C4orf36: variants seen among roughly 807,000 people sequenced by gnomAD.
The protein encoded by C4orf36 is uncharacterized protein C4orf36.
Under a neutral mutation model 12.2 loss-of-function variants are expected in C4orf36, and 11 were observed. The ratio of observed to expected loss-of-function variants is 0.90; its 90% CI spans 0.57 to 1.49. The LOEUF is 1.49. C4orf36 is among the 40% of genes most tolerant of loss of function. The pLI is 0.00. For synonymous variants in C4orf36, 54 were observed against 51.3 expected (o/e 1.05, Z -0.22); for missense variants, 137 against 133.9 (o/e 1.02, Z -0.11).
the C4orf36 span, among the ~76,000 whole-genome samples, chr4:86,919,276 C>T: frequency 6.7e-6 from 1 of 148,988 alleles, no homozygotes; most frequent in Non-Finnish European, 1.5e-5. Flanking sequence ...CATGACCAGG[C>T]TGAAAATTTT....
Position 86,886,833 on chromosome 4 carries a change from A to C in C4orf36, c.*2+925T>G, listed in dbSNP as rs558841821. On this transcript the variant is annotated intron_variant, in intron 4 of 4. Transcript: ENST00000295898. ...GCACACGTATGTTTATTGTGGCACT[A>C]CTCACAATAGCAAAGACTTGGAACC... The C allele has an allele frequency of 3.9e-5, 6 of 152,278 alleles. No homozygotes were observed. In the South Asian group the frequency reaches 1.2e-3, roughly 32 times the overall value. The allele number at this position is 152,278 out of a possible 1,614,324, so 9.4% of individuals were successfully genotyped here.
chr4:86,928,775 A>G, the C4orf36 span, among the ~76,000 whole-genome samples: 1 of 152,124 alleles, frequency 6.6e-6, no homozygotes, highest in Non-Finnish European at 1.5e-5. Flanking sequence ...GGTCACTATG[A>G]ACTCTATGAC....
At chr4:86,877,975 C>T (rs1168875996) in intron 4 of C4orf36, among the ~76,000 whole-genome samples, 11 of 151,958 alleles carry the variant, frequency 7.2e-5, no homozygotes, top group Admixed American at 6.6e-4. Flanking sequence ...TAAAATTGGC[C>T]GTGAGTTGAT....
At chr4:86,902,614 C>T in the C4orf36 span, among the ~76,000 whole-genome samples, 1 of 152,076 alleles carries the variant, frequency 6.6e-6, no homozygotes, top group Non-Finnish European at 1.5e-5. Context: ...TACACCACCA[C>T]CTGCCTTTAC....
intron 4 of C4orf36, among the ~76,000 whole-genome samples, chr4:86,884,277 T>C (rs1036952946): frequency 4.7e-5 from 7 of 149,708 alleles, no homozygotes; most frequent in African/African-American, 1.7e-4. Context: ...AATAAGAAAT[T>C]AGGCAGAAGG....
Position 86,876,283 on chromosome 4 carries a change from C to G in C4orf36, c.*163G>C. 1 of 939,184 alleles carries G rather than the reference C, an allele frequency of 1.1e-6. No homozygotes were observed. The highest frequency in any genetic ancestry group is 1.5e-6 in the Non-Finnish European group (1 of 660,954). The allele number at this position is 939,184 out of a possible 1,614,324, so 58.2% of individuals were successfully genotyped here. On this transcript the variant is annotated 3_prime_UTR_variant, in exon 5 of 5. Transcript: ENST00000295898. ...TTCCACTGAAATTAAGAGATTTTCT[C>G]GGTCTCTGGGCGGGCCGTGGGAGGC...
the C4orf36 span, among the ~76,000 whole-genome samples, chr4:86,919,478 A>G: frequency 2.0e-5 from 3 of 151,698 alleles, no homozygotes; most frequent in South Asian, 6.3e-4. Flanking sequence ...ATGCACCACC[A>G]GTCTTGGCTA....
At chr4:86,893,927 C>T (rs948905666), upstream of C4orf36, among the ~76,000 whole-genome samples, 13 of 151,518 alleles carry the variant, frequency 8.6e-5, no homozygotes, top group African/African-American at 2.9e-4. Context: ...GATGGAGTCT[C>T]GCTCTGTCGC....
At chr4:86,931,371 G>A in the C4orf36 span, among the ~76,000 whole-genome samples, 98,153 of 151,780 alleles carry the variant, frequency 0.65, 32,941 homozygotes, top group South Asian at 0.8. Flanking sequence ...CGCTTTCCCC[G>A]GAGTCTGGGT....
At chr4:86,901,377 TCACA>T in the C4orf36 span, among the ~76,000 whole-genome samples, 1 of 151,706 alleles carries the variant, frequency 6.6e-6, no homozygotes, top group South Asian at 2.1e-4. Context: ...TCACTCACAC[TCACA>T]CACACAGCTT....
At chr4:86,879,931 G>T (rs1560469961) in intron 4 of C4orf36, among the ~76,000 whole-genome samples, 1 of 151,004 alleles carries the variant, frequency 6.6e-6, no homozygotes, top group Admixed American at 6.6e-5. Context: ...GCTCACTGCA[G>T]CCTCGAACTC....
At chr4:86,927,102 C>T in the C4orf36 span, among the ~76,000 whole-genome samples, 1 of 152,198 alleles carries the variant, frequency 6.6e-6, no homozygotes, top group Non-Finnish European at 1.5e-5. Context: ...TATGCCCACC[C>T]CCATTCTAGA....
At chr4:86,913,658 AG>A in the C4orf36 span, 2 of 1,595,222 alleles carry the variant, frequency 1.3e-6, no homozygotes, top group Non-Finnish European at 1.7e-6. Context: ...TTGAGGCATC[AG>A]CAACAGACAT....
At chr4:86,907,753 G>A in the C4orf36 span, among the ~76,000 whole-genome samples, 16 of 152,006 alleles carry the variant, frequency 1.1e-4, no homozygotes, top group African/African-American at 3.9e-4. Flanking sequence ...AAGGCGGGTG[G>A]ATCACTTGAG....
chr4:86,909,690 C>T, the C4orf36 span, among the ~76,000 whole-genome samples: 1 of 152,026 alleles, frequency 6.6e-6, no homozygotes, highest in Non-Finnish European at 1.5e-5. Flanking sequence ...ACCAACTACA[C>T]ACCCTTCTAT....
upstream of C4orf36, among the ~76,000 whole-genome samples, chr4:86,897,231 C>T (rs1366943354): frequency 2.0e-5 from 3 of 151,978 alleles, no homozygotes; most frequent in African/African-American, 4.8e-5. Context: ...TGTGGTGGCA[C>T]GTACCTGTAG....
chr4:86,901,742 A>T, the C4orf36 span, among the ~76,000 whole-genome samples: 1 of 151,966 alleles, frequency 6.6e-6, no homozygotes, highest in African/African-American at 2.4e-5. Flanking sequence ...CACTCATACC[A>T]ATCTTCATTT....
chr4:86,920,402 C>A, the C4orf36 span, among the ~76,000 whole-genome samples: 12 of 152,296 alleles, frequency 7.9e-5, no homozygotes, highest in African/African-American at 2.6e-4. Context: ...TTAGCCTCTA[C>A]CCATTACCCA....
chr4:86,932,768 G>A, the C4orf36 span, among the ~76,000 whole-genome samples: 3 of 133,510 alleles, frequency 2.2e-5, no homozygotes, highest in African/African-American at 8.3e-5. Context: ...ATTTATTTGG[G>A]GGGGTGGGGG....
Sources: gnomAD v4.1 joint callset for allele counts (sites outside exome capture counted in the v4.1 genomes callset) on GRCh38, gnomAD v4.1.1 for gene constraint, MANE v1.5 for transcripts, NCBI Gene and HGNC (gene_info 2026-07-23, HGNC 2026-07-21) for gene names.